Variants in ATP8B4 observed in about 807,000 individuals in gnomAD.
ATP8B4 encodes probable phospholipid-transporting ATPase IM.
A neutral mutation model predicts 145.6 loss-of-function variants in ATP8B4; 133 were observed. The observed-to-expected ratio is 0.91, with a 90% CI of 0.79 to 1.05. ATP8B4 has a LOEUF of 1.05. Among genes scored for constraint, ATP8B4 ranks in the 50% least tolerant of loss-of-function variants. The pLI, the probability that ATP8B4 is intolerant of heterozygous loss-of-function variation, is 0.00. For synonymous variants in ATP8B4, 507 were observed against 492.9 expected (o/e 1.03, Z -0.38); for missense variants, 1,458 against 1,425.2 (o/e 1.02, Z -0.37).
At chr15:50,032,063 G>A (rs1244338421) in intron 6 of ATP8B4, among the ~76,000 whole-genome samples, 8 of 151,980 alleles carry the variant, frequency 5.3e-5, no homozygotes, top group African/African-American at 1.7e-4. Context: ...TCTGGGATAC[G>A]TGTGCAGGTT....
intron 7 of ATP8B4, among the ~76,000 whole-genome samples, chr15:50,005,787 CTTTGT>C (rs1237115593): frequency 6.6e-6 from 1 of 152,188 alleles, no homozygotes; most frequent in African/African-American, 2.4e-5. Context: ...AAGTATTTCA[CTTTGT>C]TTTATGTTTT....
At chr15:49,933,732 C>T (rs1178955375) in intron 15 of ATP8B4, among the ~76,000 whole-genome samples, 1 of 152,060 alleles carries the variant, frequency 6.6e-6, no homozygotes, top group Non-Finnish European at 1.5e-5. Flanking sequence ...CGATGTCATC[C>T]CTTGACTAGC....
At chr15:49,876,028 A>AT (rs1434247963) in intron 25 of ATP8B4, among the ~76,000 whole-genome samples, 1 of 152,168 alleles carries the variant, frequency 6.6e-6, no homozygotes, top group African/African-American at 2.4e-5. Flanking sequence ...TTTACATACA[A>AT]TGCACAACCC....
At chr15:50,133,612 A>C (rs2044079142) in intron 1 of ATP8B4, among the ~76,000 whole-genome samples, 1 of 152,050 alleles carries the variant, frequency 6.6e-6, no homozygotes, top group Non-Finnish European at 1.5e-5. Context: ...AAACAAAAAT[A>C]AATTAAAAAT....
intron 16 of ATP8B4, among the ~76,000 whole-genome samples, chr15:49,929,752 A>T (rs562147351): frequency 1.3e-5 from 2 of 152,136 alleles, no homozygotes; most frequent in Non-Finnish European, 2.9e-5. Flanking sequence ...GTTTACAGAG[A>T]CCAAAACAGG....
At chr15:49,939,162 A>G (rs936590663) in intron 14 of ATP8B4, among the ~76,000 whole-genome samples, 2 of 151,730 alleles carry the variant, frequency 1.3e-5, no homozygotes, top group South Asian at 4.1e-4. Flanking sequence ...AAAGATCTCA[A>G]TTAATGACTT....
At chr15:50,118,283 T>C (rs2153676850) in intron 1 of ATP8B4, among the ~76,000 whole-genome samples, 1 of 152,324 alleles carries the variant, frequency 6.6e-6, no homozygotes, top group South Asian at 2.1e-4. Context: ...ACACATCGTA[T>C]GCATATACCA....
chr15:49,879,346 C>A, intron 24 of ATP8B4, 30 bp downstream of exon 24: 1 of 1,566,248 alleles, frequency 6.4e-7, no homozygotes, highest in Non-Finnish European at 8.7e-7. Context: ...AAAAGAGAAA[C>A]TAAGTTATAA....
At chr15:50,156,426 C>G (rs888436035) in intron 1 of ATP8B4, among the ~76,000 whole-genome samples, 14 of 151,950 alleles carry the variant, frequency 9.2e-5, no homozygotes, top group African/African-American at 2.9e-4. Context: ...TCCAAAAGCT[C>G]TTTAGGCAGT....
At chr15:49,936,495 T>C (rs1431905567) in intron 14 of ATP8B4, among the ~76,000 whole-genome samples, 1 of 152,138 alleles carries the variant, frequency 6.6e-6, no homozygotes, top group Non-Finnish European at 1.5e-5. Flanking sequence ...TGGCATCTTG[T>C]GTTGCTGATG....
intron 15 of ATP8B4, among the ~76,000 whole-genome samples, 195 bp downstream of exon 15, chr15:49,933,822 T>C (rs989935920): frequency 3.3e-5 from 5 of 152,092 alleles, no homozygotes; most frequent in Non-Finnish European, 7.4e-5. Flanking sequence ...TCAAAACATA[T>C]GGGATATAAA....
intron 2 of ATP8B4, among the ~76,000 whole-genome samples, chr15:50,079,612 G>A (rs148611317): frequency 6.6e-6 from 1 of 152,260 alleles, no homozygotes; most frequent in African/African-American, 2.4e-5. Context: ...GTCATTGTTT[G>A]ATATAAAGAA....
chr15:50,003,414 T>C (rs937227516), intron 7 of ATP8B4, among the ~76,000 whole-genome samples: 1 of 151,972 alleles, frequency 6.6e-6, no homozygotes, highest in Non-Finnish European at 1.5e-5. Flanking sequence ...TACACAACTC[T>C]GAATCAAAGA....
intron 12 of ATP8B4, among the ~76,000 whole-genome samples, chr15:49,976,947 CT>C (rs1335549387): frequency 2.6e-5 from 4 of 152,062 alleles, no homozygotes; most frequent in Admixed American, 1.3e-4. Flanking sequence ...ATTCCTATTG[CT>C]TTGGAAAGAA....
At chr15:50,052,322 C>T (rs1441412424) in intron 3 of ATP8B4, among the ~76,000 whole-genome samples, 2 of 152,222 alleles carry the variant, frequency 1.3e-5, no homozygotes, top group Non-Finnish European at 2.9e-5. Context: ...TCCACGGAGC[C>T]TCTTTGGTGC....
chr15:49,893,727 C>G (rs2037081349), intron 23 of ATP8B4, among the ~76,000 whole-genome samples: 1 of 151,916 alleles, frequency 6.6e-6, no homozygotes, highest in Non-Finnish European at 1.5e-5. Flanking sequence ...TGTTACATAA[C>G]AATGTGTACA....
At chr15:50,009,539 T>C (rs2048568253) in intron 7 of ATP8B4, 2 of 367,278 alleles carry the variant, frequency 5.4e-6, no homozygotes, top group Non-Finnish European at 1.1e-5. Context: ...TTACTGTCAC[T>C]GAAAGAATGA....
intron 8 of ATP8B4, among the ~76,000 whole-genome samples, chr15:49,996,990 T>A (rs929039374): frequency 2.0e-5 from 3 of 152,144 alleles, no homozygotes; most frequent in Non-Finnish European, 4.4e-5. Context: ...AACACAATGA[T>A]CTGTTTTGCA....
intron 1 of ATP8B4, among the ~76,000 whole-genome samples, chr15:50,176,531 T>C (rs2140879677): frequency 6.6e-6 from 1 of 152,124 alleles, no homozygotes; most frequent in East Asian, 1.9e-4. Context: ...AAAATATTTT[T>C]TAAATTAAAT....
Sources: allele counts gnomAD v4.1 joint callset (sites outside exome capture counted in the v4.1 genomes callset), GRCh38; gene constraint gnomAD v4.1.1; transcripts MANE v1.5; gene names NCBI Gene and HGNC (gene_info 2026-07-23, HGNC 2026-07-21).